LAMA2: variants seen among roughly 807,000 people sequenced by gnomAD.
LAMA2 encodes laminin subunit alpha 2.
Under a neutral mutation model 364.8 loss-of-function variants are expected in LAMA2, and 269 were observed. The observed-to-expected ratio is 0.74, with a 90% confidence interval of 0.67 to 0.82. The LOEUF (loss-of-function observed/expected upper bound fraction) is 0.82. Among genes scored for constraint, LAMA2 ranks in the 40% least tolerant of loss-of-function variants. LAMA2 has a pLI of 0.00. For synonymous variants in LAMA2, 1,379 were observed against 1,370.6 expected, an observed-to-expected ratio of 1.01 and a Z score of -0.14; for missense variants, 3,807 against 3,873.2, an observed-to-expected ratio of 0.98 and a Z score of 0.45.
chr6:129,037,895 T>A (rs1786776682), intron 1 of LAMA2, among the ~76,000 whole-genome samples: 1 of 152,128 alleles, frequency 6.6e-6, no homozygotes, highest in Non-Finnish European at 1.5e-5. Context: ...GGTCTTGATC[T>A]CCTGACCTCG....
intron 64 of LAMA2, among the ~76,000 whole-genome samples, chr6:129,515,648 G>C (rs73600894): frequency 0.026 from 4,030 of 152,234 alleles, 136 homozygotes; most frequent in African/African-American, 0.083. Flanking sequence ...GTACTTAAAA[G>C]TATTTGATCA....
intron 13 of LAMA2, among the ~76,000 whole-genome samples, chr6:129,251,076 C>CTCTCTA (rs1491468271): frequency 1.8e-3 from 90 of 49,808 alleles, no homozygotes; most frequent in African/African-American, 2.8e-3. Context: ...CTCTCTCTCT[C>CTCTCTA]TATATATATA....
intron 35 of LAMA2, among the ~76,000 whole-genome samples, chr6:129,390,799 G>A (rs1779274959): frequency 6.6e-6 from 1 of 152,170 alleles, no homozygotes; most frequent in South Asian, 2.1e-4. Flanking sequence ...TGGCAGAATA[G>A]ACATCATTTG....
intron 56 of LAMA2, among the ~76,000 whole-genome samples, chr6:129,491,567 C>T (rs1784865301): frequency 6.6e-6 from 1 of 152,192 alleles, no homozygotes. Context: ...CCTGCCAACC[C>T]TTATACGGTT....
intron 1 of LAMA2, among the ~76,000 whole-genome samples, chr6:129,025,933 A>G (rs1389488451): frequency 6.6e-6 from 1 of 152,162 alleles, no homozygotes; most frequent in Non-Finnish European, 1.5e-5. Context: ...CATAGAACGT[A>G]TTTGTTGTGC....
chr6:128,920,673 T>C (rs1308008246), intron 1 of LAMA2, among the ~76,000 whole-genome samples: 2 of 151,092 alleles, frequency 1.3e-5, no homozygotes, highest in Non-Finnish European at 2.9e-5. Flanking sequence ...ACATTACATA[T>C]ATATATATAT....
At chr6:129,310,368 C>A (rs1231600400) in intron 22 of LAMA2, among the ~76,000 whole-genome samples, 1 of 152,104 alleles carries the variant, frequency 6.6e-6, no homozygotes, top group Non-Finnish European at 1.5e-5. Context: ...AAGAATTAAG[C>A]TGAGGAGGGA....
In LAMA2 at chr6:129,514,589, T is replaced by C; in HGVS notation, c.9205T>C (p.Phe3069Leu). ...DTNDPVFVGG[F>L]PDDLKQFGLT... The stretch of plus-strand genomic sequence containing the variant: ...AAATGACCCTGTGTTTGTTGGAGGC[T>C]TCCCAGGTGAGTGTTGGCTACCCCA... The change falls in exon 64 of 65, where the codon TTC becomes CTC. Residue 3069 changes from phenylalanine to leucine, a missense_variant. Around this residue, in one of 3 missense-constraint regions of LAMA2, gnomAD observed 3,333 missense variants for 3,345.7 expected, o/e 1.00. Coordinates refer to ENST00000421865, the MANE Select transcript of LAMA2 (RefSeq NM_000426.4). 1 of 1,613,626 alleles carries C rather than the reference T, an allele frequency of 6.2e-7. No individual in the cohort carries two copies. Among genetic ancestry groups the C allele is most frequent in the Non-Finnish European group, 8.5e-7 (1 of 1,179,686 alleles).
chr6:129,491,631 C>G (rs1784867976), intron 56 of LAMA2, among the ~76,000 whole-genome samples: 1 of 152,202 alleles, frequency 6.6e-6, no homozygotes, highest in African/African-American at 2.4e-5. Context: ...ATGTGTTGGG[C>G]TGCACAGCGC....
chr6:129,045,736 A>G (rs1257022037), intron 1 of LAMA2, among the ~76,000 whole-genome samples: 1 of 152,176 alleles, frequency 6.6e-6, no homozygotes, highest in African/African-American at 2.4e-5. Context: ...CATACAACAT[A>G]AAGAAAATAC....
intron 12 of LAMA2, among the ~76,000 whole-genome samples, chr6:129,222,779 T>C (rs1204842616): frequency 1.3e-5 from 2 of 152,110 alleles, no homozygotes; most frequent in African/African-American, 4.8e-5. Context: ...TCTTTGCTAT[T>C]ATGAATAGTG....
intron 1 of LAMA2, among the ~76,000 whole-genome samples, chr6:128,931,700 A>G (rs1779490471): frequency 1.3e-5 from 2 of 152,192 alleles, no homozygotes; most frequent in Admixed American, 1.3e-4. Flanking sequence ...CTTATTAAAA[A>G]TTATTTTTTC....
At chr6:129,407,134 A>G (rs866249547) in intron 40 of LAMA2, among the ~76,000 whole-genome samples, 1 of 152,106 alleles carries the variant, frequency 6.6e-6, no homozygotes. Flanking sequence ...GCCCACCCAC[A>G]TTGAGGGTGG....
chr6:129,035,528 AT>A (rs143564398), intron 1 of LAMA2, among the ~76,000 whole-genome samples: 23 of 133,468 alleles, frequency 1.7e-4, no homozygotes, highest in African/African-American at 3.0e-4. Flanking sequence ...CCATTTGTTC[AT>A]TTTTTTTTTT....
intron 4 of LAMA2, among the ~76,000 whole-genome samples, chr6:129,110,003 T>TA (rs980235250): frequency 1.3e-5 from 2 of 152,030 alleles, no homozygotes; most frequent in Non-Finnish European, 2.9e-5. Context: ...GTGGACCTGT[T>TA]ACTTCTTGTG....
chr6:129,514,348 G>T, intron 63 of LAMA2, 25 bp from the exon 64 acceptor site: 2 of 1,511,374 alleles, frequency 1.3e-6, no homozygotes, highest in South Asian at 1.1e-5. Flanking sequence ...AACCATCTGT[G>T]ACTGTTCTAT....
intron 1 of LAMA2, among the ~76,000 whole-genome samples, chr6:128,972,756 G>T (rs1782265057): frequency 6.6e-6 from 1 of 151,996 alleles, no homozygotes; most frequent in East Asian, 1.9e-4. Context: ...GGAAAGGATG[G>T]TTTGTAGAAC....
At chr6:129,122,876 C>T (rs538340561) in intron 4 of LAMA2, among the ~76,000 whole-genome samples, 37 of 152,052 alleles carry the variant, frequency 2.4e-4, no homozygotes, top group African/African-American at 8.2e-4. Flanking sequence ...ACAAAAAGGA[C>T]GAGGCAATAC....
intron 1 of LAMA2, among the ~76,000 whole-genome samples, chr6:129,008,555 A>G (rs906251599): frequency 1.3e-5 from 2 of 152,180 alleles, no homozygotes; most frequent in Admixed American, 6.5e-5. Flanking sequence ...GTCTACATGA[A>G]TACAAAGCTA....
Sources: allele counts gnomAD v4.1 joint callset (sites outside exome capture counted in the v4.1 genomes callset), GRCh38; gene constraint gnomAD v4.1.1; regional missense constraint gnomAD v4.1.1; transcripts MANE v1.5; gene names NCBI Gene and HGNC (gene_info 2026-07-23, HGNC 2026-07-21).